The following PCDHGA6 variants were observed in gnomAD, a reference collection of about 807,000 sequenced individuals.
PCDHGA6 encodes protocadherin gamma subfamily A, 6, also known as protocadherin gamma-A6.
A neutral mutation model predicts 60.6 loss-of-function variants in PCDHGA6; 41 were observed. The ratio of observed to expected loss-of-function variants is 0.68; its 90% CI spans 0.53 to 0.88. The LOEUF (loss-of-function observed/expected upper bound fraction) is 0.88. Ranked by LOEUF, PCDHGA6 falls within the 40% of genes least tolerant of loss-of-function variation. The pLI is 0.00. For synonymous variants in PCDHGA6, 594 were observed against 524.4 expected, an observed-to-expected ratio of 1.13 and a Z score of -1.81; for missense variants, 1,312 against 1,203.0, an observed-to-expected ratio of 1.09 and a Z score of -1.34.
intron 3 of PCDHGA6, chr5:141,508,127 G>A (rs1220643878): frequency 6.6e-6 from 1 of 152,628 alleles, no homozygotes; most frequent in Non-Finnish European, 1.5e-5. Context: ...ACAGAGGGAG[G>A]TCAGGGAGCT....
chr5:141,387,741 G>A, intron 1 of PCDHGA6: 7 of 1,332,868 alleles, frequency 5.3e-6, no homozygotes, highest in Non-Finnish European at 6.1e-6. Context: ...CCTTTACACC[G>A]CTTCCTCCTC....
rs2099701571 is a variant in PCDHGA6, at chr5:141,490,550, A to G, written c.2425-4257A>G. On this transcript the variant is annotated intron_variant, in intron 1 of 3. Coordinates refer to ENST00000517434, the MANE Select transcript of PCDHGA6 (RefSeq NM_018919.3). This position sits in a 1 kb window ranked among gnomAD's most constrained non-coding sequence, Gnocchi z 5.4. ...GCTGGTTCACCTTCCCTACACAAACATCTCACCATCAGGCTCAACATTTCA... is the reference window on the plus strand; with the variant it reads ...GCTGGTTCACCTTCCCTACACAAACGTCTCACCATCAGGCTCAACATTTCA... 1 of 1,614,092 alleles carries G rather than the reference A, an allele frequency of 6.2e-7. No individual in the cohort carries two copies.
rs2099427993 is a variant in PCDHGA6, at chr5:141,477,978, T to C, written c.2425-16829T>C. Reference sequence around the variant, plus strand: ...TCCCCTAACCAGAGCCTTTTTGCCATAGGGCTGCACACTGGTCAAATCAGT... The same window carrying C: ...TCCCCTAACCAGAGCCTTTTTGCCACAGGGCTGCACACTGGTCAAATCAGT... On this transcript the variant is annotated intron_variant, in intron 1 of 3. Coordinates refer to ENST00000517434, the MANE Select transcript of PCDHGA6 (RefSeq NM_018919.3). This position sits in a 1 kb window ranked among gnomAD's most constrained non-coding sequence, Gnocchi z 4.9. 6.2e-7 allele frequency: 1 copy of C among 1,614,120 alleles called. No individual in the cohort carries two copies. Among genetic ancestry groups the C allele is most frequent in the Non-Finnish European group, 8.5e-7 (1 of 1,180,022 alleles).
chr5:141,412,940 T>C, intron 1 of PCDHGA6: 1 of 463,218 alleles, frequency 2.2e-6, no homozygotes, highest in Non-Finnish European at 3.8e-6. Flanking sequence ...CTTAGGACTC[T>C]GAGCGCCGCT....
At chr5:141,506,130 GAGA>G (rs560751517) in intron 3 of PCDHGA6, among the ~76,000 whole-genome samples, 2 of 152,170 alleles carry the variant, frequency 1.3e-5, no homozygotes, top group Admixed American at 1.3e-4. Context: ...CCCAGAGCAG[GAGA>G]AGAAGAATAT....
chr5:141,384,090 A>C (rs765649529), intron 1 of PCDHGA6: 1 of 1,596,410 alleles, frequency 6.3e-7, no homozygotes, highest in South Asian at 1.1e-5. Context: ...TAGAAAAATC[A>C]ATAGATAATT....
chr5:141,399,494 G>A, intron 1 of PCDHGA6: 1 of 1,614,032 alleles, frequency 6.2e-7, no homozygotes, highest in Non-Finnish European at 8.5e-7. Flanking sequence ...TACTTAGTCA[G>A]TGTACCCGAA....
chr5:141,478,424 G>A, intron 1 of PCDHGA6: 2 of 1,613,686 alleles, frequency 1.2e-6, no homozygotes, highest in African/African-American at 1.3e-5. Context: ...CCGCCGCAGC[G>A]ACCCGCTGCT....
Position 141,477,650 on chromosome 5 carries a change from A to C in PCDHGA6, c.2425-17157A>C. The C allele has an allele frequency of 6.2e-7, 1 of 1,614,210 alleles. No homozygotes were observed. Among genetic ancestry groups the C allele is most frequent in the Non-Finnish European group, 8.5e-7 (1 of 1,180,036 alleles). On this transcript the variant is annotated intron_variant, in intron 1 of 3. Coordinates refer to ENST00000517434, the MANE Select transcript of PCDHGA6 (RefSeq NM_018919.3). The surrounding 1 kb of genome is among the most constrained non-coding windows in gnomAD (Gnocchi z 4.9). The stretch of plus-strand genomic sequence containing the variant: ...CGGGCTAGTGGGTCGCTATTTCACA[A>C]TAAATCGTGACAATGGCATAGTGTC...
At chr5:141,394,364 G>A (rs1293513120) in intron 1 of PCDHGA6, 1 of 1,614,186 alleles carries the variant, frequency 6.2e-7, no homozygotes. Flanking sequence ...TGTATGCGCT[G>A]CAATCTTTCG....
rs372161900 is a variant in PCDHGA6 at position 141,374,748 on chromosome 5, G to A, written c.665G>A (p.Arg222His). Residue 222 changes from arginine (R) to histidine (H), a missense_variant, in exon 1 of 4, where the codon CGC becomes CAC. Transcript: ENST00000517434. Reference sequence around the variant, plus strand: ...GCCATGGATGGCGGCGACCCTGTCCGCTCAAGCGTCGCCCAAATTCTGGTA... The same window carrying A: ...GCCATGGATGGCGGCGACCCTGTCCACTCAAGCGTCGCCCAAATTCTGGTA... Reference protein sequence around the residue: ...LTAMDGGDPVRSSVAQILVTV... With the variant: ...LTAMDGGDPVHSSVAQILVTV... 7.1e-5 allele frequency: 115 copies of A among 1,611,770 alleles called. No homozygotes were observed. Among genetic ancestry groups the A allele is most frequent in the Non-Finnish European group, 8.7e-5 (102 of 1,178,920 alleles).
chr5:141,417,940 C>A, intron 1 of PCDHGA6: 2 of 1,613,054 alleles, frequency 1.2e-6, no homozygotes, highest in Non-Finnish European at 1.7e-6. Flanking sequence ...TGTTCTACCC[C>A]ACGCTGTGTG....
rs138831045 is a variant in PCDHGA6 at position 141,462,238 on chromosome 5, G to A, written c.2425-32569G>A. Among the ~76,000 whole-genome samples the A allele has an allele frequency of 2.9e-3, 441 of 152,288 alleles. 3 individuals carry two copies. Among genetic ancestry groups the A allele is most frequent in the African/African-American group, 9.9e-3 (412 of 41,566 alleles). On this transcript the variant is annotated intron_variant, in intron 1 of 3. Coordinates refer to ENST00000517434, the MANE Select transcript of PCDHGA6 (RefSeq NM_018919.3). ...GCCTCCCAAAGTGCAGGGATTACAG[G>A]TATGAGCCACCATGACCAGCCTAAA...
At chr5:141,399,798 G>T (rs2093890900) in intron 1 of PCDHGA6, 2 of 1,613,118 alleles carry the variant, frequency 1.2e-6, no homozygotes, top group Non-Finnish European at 1.7e-6. Context: ...ACGCACCGCG[G>T]GTGCTGTACC....
At chr5:141,405,505 C>A in intron 1 of PCDHGA6, 2 of 751,126 alleles carry the variant, frequency 2.7e-6, no homozygotes, top group Non-Finnish European at 4.2e-6. Context: ...TTGCAACCTC[C>A]GCCTCCCAAA....
At chr5:141,422,126 GAGA>G (rs767100115) in intron 1 of PCDHGA6, 2 of 1,601,210 alleles carry the variant, frequency 1.2e-6, no homozygotes, top group South Asian at 2.3e-5. Context: ...TCACAAACTG[GAGA>G]AGTTCAAGTA....
At chr5:141,465,150 G>A (rs192648619) in intron 1 of PCDHGA6, among the ~76,000 whole-genome samples, 474 of 151,492 alleles carry the variant, frequency 3.1e-3, no homozygotes, top group Middle Eastern at 0.024. Context: ...GATATATGAA[G>A]GGACTCTAAA....
chr5:141,412,396 A>G (rs2095553141), intron 1 of PCDHGA6: 1 of 152,216 alleles, frequency 6.6e-6, no homozygotes, highest in Non-Finnish European at 1.5e-5. Flanking sequence ...TTTAACTTGT[A>G]TCCCTGTAAG....
intron 1 of PCDHGA6, chr5:141,411,968 T>C (rs1257112227): frequency 6.6e-6 from 1 of 152,260 alleles, no homozygotes; most frequent in Non-Finnish European, 1.5e-5. Flanking sequence ...GATAAAATCT[T>C]TGAAGAGTTC....
Sources: allele counts gnomAD v4.1 joint callset (sites outside exome capture counted in the v4.1 genomes callset), GRCh38; gene constraint gnomAD v4.1.1; non-coding constraint Gnocchi (gnomAD v3.1); transcripts MANE v1.5; gene names NCBI Gene and HGNC (gene_info 2026-07-23, HGNC 2026-07-21).